The following GAB2 variants were observed in gnomAD, a reference collection of about 807,000 sequenced individuals.
GAB2 encodes the protein GRB2 associated binding protein 2.
A neutral mutation model predicts 65.5 loss-of-function variants in GAB2; 26 were observed. The observed-to-expected ratio is 0.40, with a 90% CI of 0.29 to 0.55. The LOEUF is 0.55. Ranked by LOEUF, GAB2 falls within the 20% of genes least tolerant of loss-of-function variation. The probability of loss-of-function intolerance (pLI) is 0.53; values close to 1 mark genes in which losing one functional copy is unlikely to be tolerated. For synonymous variants in GAB2, 321 were observed against 329.6 expected (o/e 0.97, Z 0.28); for missense variants, 884 against 875.8 (o/e 1.01, Z -0.12).
chr11:78,226,349 G>A, intron 4 of GAB2, 116 bp downstream of exon 4: 1 of 802,860 alleles, frequency 1.2e-6, no homozygotes, highest in Non-Finnish European at 2.2e-6. Context: ...GAGTATCAGT[G>A]ACCTAGGTGG....
At chr11:78,358,453 T>C (rs974019187) in intron 1 of GAB2, among the ~76,000 whole-genome samples, 1 of 125,274 alleles carries the variant, frequency 8.0e-6, no homozygotes, top group African/African-American at 3.1e-5. Context: ...ATAATAATAA[T>C]AATAATAATA....
chr11:78,382,158 C>T lies in GAB2; in HGVS notation c.75+35488G>A, dbSNP rs376960486. 2.9e-4 allele frequency among the ~76,000 whole-genome samples: 44 copies of T among 152,280 alleles called. No individual in the cohort carries two copies. In the South Asian group the frequency reaches 3.5e-3, roughly 12 times the overall value. ...TCTCTGAATATTCCCAATCAATTAGCTGTACCCTCCTCTGTGCTCTCATGG... is the reference window on the plus strand; with the variant it reads ...TCTCTGAATATTCCCAATCAATTAGTTGTACCCTCCTCTGTGCTCTCATGG... On this transcript the variant is annotated intron_variant, in intron 1 of 9. Transcript: ENST00000361507.
At chr11:78,291,561 C>CTTTTTTTTTT (rs1163199130) in intron 1 of GAB2, among the ~76,000 whole-genome samples, 5 of 80,898 alleles carry the variant, frequency 6.2e-5, no homozygotes, top group East Asian at 7.7e-4. Context: ...TTTTCTTTTT[C>CTTTTTTTTTT]TTTTTTTTTT....
intron 2 of GAB2, among the ~76,000 whole-genome samples, chr11:78,262,669 T>C (rs956672736): frequency 1.4e-4 from 21 of 152,176 alleles, no homozygotes; most frequent in African/African-American, 4.8e-4. Flanking sequence ...CATCTGTAGT[T>C]TCCCTACTCA....
chr11:78,224,575 T>C (rs916906724), intron 5 of GAB2, among the ~76,000 whole-genome samples: 2 of 152,204 alleles, frequency 1.3e-5, no homozygotes, highest in African/African-American at 4.8e-5. Context: ...CTAAGCTGCT[T>C]CTGCCTTGGT....
intron 1 of GAB2, among the ~76,000 whole-genome samples, chr11:78,340,374 T>C (rs1856071465): frequency 6.6e-6 from 1 of 152,180 alleles, no homozygotes; most frequent in Non-Finnish European, 1.5e-5. Context: ...GAATCAATGA[T>C]GTTGCCCTAA....
intron 1 of GAB2, among the ~76,000 whole-genome samples, chr11:78,342,384 A>C (rs1246859330): frequency 6.7e-6 from 1 of 149,808 alleles, no homozygotes. Context: ...CCCTCCTCTA[A>C]ACCCCTTCAA....
At chr11:78,374,455 G>C (rs1295091453) in intron 1 of GAB2, among the ~76,000 whole-genome samples, 5 of 152,162 alleles carry the variant, frequency 3.3e-5, no homozygotes, top group Non-Finnish European at 2.9e-5. Flanking sequence ...ACCCGGGGGG[G>C]AACCTGAAGT....
At chr11:78,258,605 GTTTT>G (rs34113792) in intron 2 of GAB2, among the ~76,000 whole-genome samples, 1 of 147,518 alleles carries the variant, frequency 6.8e-6, no homozygotes, top group Non-Finnish European at 1.5e-5. Flanking sequence ...TTAATTTTCT[GTTTT>G]TTTTTTGAGA....
At chr11:78,304,434 A>G (rs1855305339) in intron 1 of GAB2, among the ~76,000 whole-genome samples, 1 of 152,144 alleles carries the variant, frequency 6.6e-6, no homozygotes, top group Admixed American at 6.5e-5. Flanking sequence ...ATCTGTAGTG[A>G]TAGGCTGACT....
chr11:78,285,886 C>T (rs1238439770), intron 1 of GAB2, among the ~76,000 whole-genome samples: 2 of 152,202 alleles, frequency 1.3e-5, no homozygotes, highest in African/African-American at 4.8e-5. Context: ...TCCTCGGAAC[C>T]TTCATAATGC....
chr11:78,346,542 C>G (rs1398398390), intron 1 of GAB2, among the ~76,000 whole-genome samples: 1 of 147,404 alleles, frequency 6.8e-6, no homozygotes, highest in Non-Finnish European at 1.5e-5. Flanking sequence ...CACTTTAAAG[C>G]TCCATATTCT....
chr11:78,364,552 C>G (rs1856473975), intron 1 of GAB2, among the ~76,000 whole-genome samples: 1 of 152,204 alleles, frequency 6.6e-6, no homozygotes, highest in African/African-American at 2.4e-5. Context: ...TTGATTTCAT[C>G]ACCTACGAAT....
chr11:78,242,555 A>G (rs1294434667), intron 3 of GAB2, among the ~76,000 whole-genome samples: 1 of 152,192 alleles, frequency 6.6e-6, no homozygotes, highest in Non-Finnish European at 1.5e-5. Context: ...GAAACAAATG[A>G]AAATAGAAAC....
In GAB2 at chr11:78,283,003, T is replaced by C. The variant is rs562621497; in HGVS notation, c.76-2102A>G. On this transcript the variant is annotated intron_variant, in intron 1 of 9. Transcript: ENST00000361507. Reference sequence around the variant, plus strand: ...CTACCTGTTCCCACTTGGCTGTACATACATGGAGAAAATCATATGACCATG... The same window carrying C: ...CTACCTGTTCCCACTTGGCTGTACACACATGGAGAAAATCATATGACCATG... Among the ~76,000 whole-genome samples, 8 of 152,310 alleles carry C rather than the reference T, an allele frequency of 5.3e-5. No individual in the cohort carries two copies. The East Asian group carries it at 1.5e-3, about 29-fold the overall frequency.
intron 1 of GAB2, among the ~76,000 whole-genome samples, chr11:78,324,954 T>C (rs1054951600): frequency 6.6e-6 from 1 of 152,194 alleles, no homozygotes. Flanking sequence ...TTCGGGAACT[T>C]TGCAACCCAA....
chr11:78,299,479 T>G (rs1166693250), intron 1 of GAB2, among the ~76,000 whole-genome samples: 1 of 152,220 alleles, frequency 6.6e-6, no homozygotes, highest in Non-Finnish European at 1.5e-5. Context: ...CAAAGTCTGG[T>G]GCTTTCTGGA....
At chr11:78,300,371 G>T (rs571560232) in intron 1 of GAB2, among the ~76,000 whole-genome samples, 1 of 150,012 alleles carries the variant, frequency 6.7e-6, no homozygotes, top group Admixed American at 6.6e-5. Context: ...AAATAAGGTT[G>T]TTTCCAGCTT....
intron 1 of GAB2, among the ~76,000 whole-genome samples, chr11:78,393,668 T>C (rs1402286862): frequency 6.6e-6 from 1 of 152,202 alleles, no homozygotes; most frequent in African/African-American, 2.4e-5. Context: ...CTAAAGATCA[T>C]CACAGCATTA....
Sources: gnomAD v4.1 joint callset for allele counts (sites outside exome capture counted in the v4.1 genomes callset) on GRCh38, gnomAD v4.1.1 for gene constraint, MANE v1.5 for transcripts, NCBI Gene and HGNC (gene_info 2026-07-23, HGNC 2026-07-21) for gene names.